The following NXPH1 variants were observed in gnomAD, a reference collection of about 807,000 sequenced individuals.
NXPH1 encodes the protein neurexophilin-1.
In NXPH1, 5 loss-of-function variants were observed where a neutral mutation model predicts 23.7. That is an observed-to-expected ratio of 0.21 (90% CI 0.11 to 0.44). NXPH1 has a LOEUF of 0.44. Ranked by LOEUF, NXPH1 falls within the 20% of genes least tolerant of loss-of-function variation. The pLI is 0.99. For missense variants in NXPH1, 324 were observed against 321.6 expected, an observed-to-expected ratio of 1.01 and a Z score of -0.06; for synonymous variants, 144 against 122.2, an observed-to-expected ratio of 1.18 and a Z score of -1.18.
At chr7:8,649,758 C>A (rs1820461278) in intron 2 of NXPH1, among the ~76,000 whole-genome samples, 1 of 152,084 alleles carries the variant, frequency 6.6e-6, no homozygotes, top group Non-Finnish European at 1.5e-5. Flanking sequence ...TTTATTCCTA[C>A]TTTATTATTC....
rs577702460 is a variant in NXPH1 at position 8,653,188 on chromosome 7, T to C, written c.55-97820T>C. Among the ~76,000 whole-genome samples, 4 of 152,270 alleles carry C rather than the reference T, an allele frequency of 2.6e-5. No individual in the cohort carries two copies. The South Asian group carries it at 8.3e-4, about 32-fold the overall frequency. On this transcript the variant is annotated intron_variant, in intron 2 of 2. Transcript: ENST00000405863. Reference sequence around the variant, plus strand: ...CAAAACTAAAAGTGTAGCTGGAATATTTGTATTTATTGATTAAGAATCATC... The same window carrying C: ...CAAAACTAAAAGTGTAGCTGGAATACTTGTATTTATTGATTAAGAATCATC...
chr7:8,658,378 T>G (rs928673055), intron 2 of NXPH1, among the ~76,000 whole-genome samples: 1 of 152,214 alleles, frequency 6.6e-6, no homozygotes, highest in African/African-American at 2.4e-5. Flanking sequence ...TATGTGGCAA[T>G]GTTTAGTACT....
At chr7:8,500,504 TG>T (rs1817413961) in intron 2 of NXPH1, among the ~76,000 whole-genome samples, 3 of 152,216 alleles carry the variant, frequency 2.0e-5, no homozygotes, top group African/African-American at 7.2e-5. Flanking sequence ...CTTATTTGGC[TG>T]TTGTGAGCAT....
intron 2 of NXPH1, among the ~76,000 whole-genome samples, chr7:8,443,019 A>T (rs1816328420): frequency 1.3e-5 from 2 of 152,224 alleles, no homozygotes; most frequent in Non-Finnish European, 1.5e-5. Context: ...GCCTGGTGCC[A>T]GCAGTAGGGC....
At chr7:8,711,467 T>G (rs1167544674) in intron 2 of NXPH1, among the ~76,000 whole-genome samples, 1 of 152,228 alleles carries the variant, frequency 6.6e-6, no homozygotes, top group African/African-American at 2.4e-5. Context: ...AAGCTCATAA[T>G]CTGGTTTGGA....
intron 2 of NXPH1, among the ~76,000 whole-genome samples, chr7:8,458,766 G>A (rs1419836082): frequency 1.3e-5 from 2 of 152,130 alleles, no homozygotes; most frequent in African/African-American, 4.8e-5. Flanking sequence ...ACAAGATAGA[G>A]GGAGAAAGAG....
At chr7:8,598,932 G>A (rs959278146) in intron 2 of NXPH1, among the ~76,000 whole-genome samples, 6 of 152,094 alleles carry the variant, frequency 3.9e-5, no homozygotes, top group African/African-American at 1.2e-4. Flanking sequence ...TCAGCAAAGT[G>A]TCTCTTTGAG....
At chr7:8,601,902 A>G (rs1343245603) in intron 2 of NXPH1, among the ~76,000 whole-genome samples, 9 of 152,258 alleles carry the variant, frequency 5.9e-5, no homozygotes, top group Admixed American at 1.3e-4. Flanking sequence ...ATCAGTTACA[A>G]TAAAAGTCCA....
chr7:8,624,820 G>A (rs1003711467), intron 2 of NXPH1, among the ~76,000 whole-genome samples: 1 of 152,164 alleles, frequency 6.6e-6, no homozygotes, highest in Non-Finnish European at 1.5e-5. Context: ...GCAAAAGCCA[G>A]CACGAGAAAG....
At chr7:8,594,671 G>A (rs1283009284) in intron 2 of NXPH1, among the ~76,000 whole-genome samples, 17 of 152,006 alleles carry the variant, frequency 1.1e-4, no homozygotes, top group Admixed American at 4.6e-4. Flanking sequence ...GTCTGGCCTC[G>A]GTGGAACCTT....
At chr7:8,583,140 C>T (rs1302912160) in intron 2 of NXPH1, among the ~76,000 whole-genome samples, 1 of 152,228 alleles carries the variant, frequency 6.6e-6, no homozygotes, top group Non-Finnish European at 1.5e-5. Context: ...AGGCTGGATG[C>T]TTTCTTGCCC....
intron 2 of NXPH1, among the ~76,000 whole-genome samples, chr7:8,562,039 C>T (rs548631166): frequency 2.0e-5 from 3 of 151,642 alleles, no homozygotes; most frequent in South Asian, 2.1e-4. Flanking sequence ...AATATCTATA[C>T]TGTTCCAGGC....
chr7:8,507,358 A>G (rs920779491), intron 2 of NXPH1, among the ~76,000 whole-genome samples: 3 of 151,742 alleles, frequency 2.0e-5, no homozygotes, highest in Non-Finnish European at 4.4e-5. Context: ...AGTGTTTGAC[A>G]TAACCAGGGA....
intron 2 of NXPH1, among the ~76,000 whole-genome samples, chr7:8,621,943 A>G (rs766626222): frequency 5.9e-5 from 9 of 152,194 alleles, no homozygotes; most frequent in Non-Finnish European, 1.2e-4. Flanking sequence ...TGCTCTGGCC[A>G]TGAAATTCCA....
intron 2 of NXPH1, among the ~76,000 whole-genome samples, chr7:8,559,291 C>CA: frequency 6.6e-6 from 1 of 151,646 alleles, no homozygotes; most frequent in South Asian, 2.1e-4. Flanking sequence ...TATGAACATA[C>CA]AAAAAAGTCT....
chr7:8,612,087 T>C (rs1176524280), intron 2 of NXPH1, among the ~76,000 whole-genome samples: 3 of 152,102 alleles, frequency 2.0e-5, no homozygotes, highest in Non-Finnish European at 4.4e-5. Flanking sequence ...TAAAGCTAAT[T>C]GAATATGTGA....
At chr7:8,734,828 C>A (rs1190399553) in intron 2 of NXPH1, among the ~76,000 whole-genome samples, 1 of 151,940 alleles carries the variant, frequency 6.6e-6, no homozygotes, top group African/African-American at 2.4e-5. Context: ...AAGTCTAAGT[C>A]TCTTTGTAGT....
chr7:8,436,660 T>C (rs1816201526), intron 2 of NXPH1, among the ~76,000 whole-genome samples: 2 of 152,190 alleles, frequency 1.3e-5, no homozygotes, highest in South Asian at 4.1e-4. Flanking sequence ...GGGACACTTG[T>C]GCCCTGCTGG....
chr7:8,516,633 G>A (rs78719687), intron 2 of NXPH1, among the ~76,000 whole-genome samples: 1 of 152,074 alleles, frequency 6.6e-6, no homozygotes. Context: ...ACAGCAGAAT[G>A]GGGGAATTGC....
Sources: gnomAD v4.1 joint callset for allele counts (sites outside exome capture counted in the v4.1 genomes callset) on GRCh38, gnomAD v4.1.1 for gene constraint, MANE v1.5 for transcripts, NCBI Gene and HGNC (gene_info 2026-07-23, HGNC 2026-07-21) for gene names.